DDAH1: variants seen among roughly 807,000 people sequenced by gnomAD.
DDAH1 encodes the protein dimethylarginine dimethylaminohydrolase 1, also known as N(G),N(G)-dimethylarginine dimethylaminohydrolase 1.
In DDAH1, 19 loss-of-function variants were observed where a neutral mutation model predicts 28.8. The observed-to-expected ratio is 0.66, with a 90% CI of 0.46 to 0.97. The LOEUF is 0.97. DDAH1 is among the 50% of genes least tolerant of loss of function. DDAH1 has a pLI of 0.00. For synonymous variants in DDAH1, 153 were observed against 154.4 expected (o/e 0.99, Z 0.07); for missense variants, 326 against 375.9 (o/e 0.87, Z 1.10).
intron 1 of DDAH1, among the ~76,000 whole-genome samples, chr1:85,431,602 C>T (rs1435313012): frequency 1.3e-5 from 2 of 151,916 alleles, no homozygotes; most frequent in African/African-American, 4.8e-5. Context: ...TCCTTCCCTC[C>T]CTTCTTTCCT....
chr1:85,457,923 T>G (rs1477870479), intron 1 of DDAH1, among the ~76,000 whole-genome samples: 1 of 152,172 alleles, frequency 6.6e-6, no homozygotes, highest in African/African-American at 2.4e-5. Context: ...ACTCCTGACC[T>G]CATGATCCGC....
intron 1 of DDAH1, among the ~76,000 whole-genome samples, chr1:85,569,120 C>G (rs946332756): frequency 6.6e-6 from 1 of 152,170 alleles, no homozygotes; most frequent in Non-Finnish European, 1.5e-5. Context: ...GAAGACTGAA[C>G]AGTAAACAAA....
intron 1 of DDAH1, among the ~76,000 whole-genome samples, chr1:85,523,710 C>T (rs1657767345): frequency 6.6e-6 from 1 of 152,082 alleles, no homozygotes; most frequent in African/African-American, 2.4e-5. Context: ...AGCAAATGCC[C>T]AAAAAGTATC....
chr1:85,466,272 CGG>C (rs1319224139), upstream of DDAH1, among the ~76,000 whole-genome samples: 1 of 152,166 alleles, frequency 6.6e-6, no homozygotes, highest in Non-Finnish European at 1.5e-5. Flanking sequence ...TTTGTTTTGA[CGG>C]AGTTTCACTC....
intron 5 of DDAH1, among the ~76,000 whole-genome samples, chr1:85,322,986 G>A (rs893970710): frequency 3.3e-5 from 5 of 152,140 alleles, no homozygotes; most frequent in African/African-American, 1.2e-4. Flanking sequence ...CAACCCTGAT[G>A]TGCATTAAAG....
At position 85,464,446 on chromosome 1, in the gene DDAH1, A is replaced by C. The variant is rs1037265251; in HGVS notation, c.303+297T>G. 1.2e-5 allele frequency: 17 copies of C among 1,465,274 alleles called. No individual in the cohort carries two copies. The African/African-American group carries it at 2.1e-4, about 18-fold the overall frequency. 90.8% of individuals were successfully genotyped at this position (1,465,274 alleles called of 1,614,324 possible). ...AGTTGCACTGTCGTCGCTGCCGTTT[A>C]ATTTTCACAAATAAAAATGCCCGTG... On this transcript the variant is annotated intron_variant, in intron 1 of 5. Coordinates refer to ENST00000284031, the MANE Select transcript of DDAH1 (RefSeq NM_012137.4). This position sits in a 1 kb window ranked among gnomAD's most constrained non-coding sequence, Gnocchi z 4.4.
chr1:85,530,029 C>T (rs1658033396), intron 1 of DDAH1, among the ~76,000 whole-genome samples: 3 of 140,284 alleles, frequency 2.1e-5, no homozygotes, highest in African/African-American at 7.7e-5. Flanking sequence ...CTGACCCACG[C>T]ATTTGGAAAA....
At chr1:85,451,429 G>C (rs1302464230) in intron 1 of DDAH1, among the ~76,000 whole-genome samples, 5 of 152,118 alleles carry the variant, frequency 3.3e-5, no homozygotes, top group African/African-American at 9.7e-5. Flanking sequence ...CTGTATTATT[G>C]CATTTATTCA....
intron 1 of DDAH1, among the ~76,000 whole-genome samples, chr1:85,460,234 G>C (rs989815250): frequency 6.6e-6 from 1 of 152,148 alleles, no homozygotes; most frequent in African/African-American, 2.4e-5. Flanking sequence ...TTCCTAACCA[G>C]AGAATAAACC....
rs559928084 is a variant in DDAH1 at position 85,480,672 on chromosome 1, G to C, written c.-7+15494C>G. On this transcript the variant is annotated intron_variant, in intron 2 of 6. Coordinates refer to the DDAH1 transcript ENST00000426972. ...AGGGATGAGAATCACTTGAATTGGG[G>C]AGATGGAAGTTGAACGACCCAAGAC... is the stretch of plus-strand genomic sequence containing the variant. 7.8e-4 allele frequency among the ~76,000 whole-genome samples: 119 copies of C among 152,240 alleles called. 4 individuals are homozygous for C. The South Asian group carries it at 0.022, about 28-fold the overall frequency.
At chr1:85,546,458 T>C (rs999990761) in intron 1 of DDAH1, among the ~76,000 whole-genome samples, 2 of 152,116 alleles carry the variant, frequency 1.3e-5, no homozygotes, top group Non-Finnish European at 1.5e-5. Flanking sequence ...CAGCTTGTGG[T>C]GGTGTTACAG....
At position 85,574,957 on chromosome 1, in the gene DDAH1, G is replaced by A. The variant is rs552259669; in HGVS notation, c.-123+3027C>T. 9.9e-5 allele frequency among the ~76,000 whole-genome samples: 15 copies of A among 152,106 alleles called. No homozygotes were observed. In the South Asian group the frequency reaches 3.1e-3, roughly 32 times the overall value. On this transcript the variant is annotated intron_variant, in intron 1 of 6. Coordinates refer to the DDAH1 transcript ENST00000426972. Reference sequence around the variant, plus strand: ...AGAAAACGGGTTAAAAACAGACGGGGAGCCTGGTGCAGTGGCTCACACCTG... The same window carrying A: ...AGAAAACGGGTTAAAAACAGACGGGAAGCCTGGTGCAGTGGCTCACACCTG...
At chr1:85,359,544 A>G (rs1346903341) in intron 1 of DDAH1, among the ~76,000 whole-genome samples, 2 of 152,238 alleles carry the variant, frequency 1.3e-5, no homozygotes, top group African/African-American at 4.8e-5. Flanking sequence ...AGTATAATAC[A>G]TGGAAGGAAT....
At chr1:85,414,882 A>C (rs1459100024) in intron 1 of DDAH1, among the ~76,000 whole-genome samples, 1 of 152,198 alleles carries the variant, frequency 6.6e-6, no homozygotes, top group Non-Finnish European at 1.5e-5. Flanking sequence ...GCTCATTGGT[A>C]ATCAGGGAAA....
chr1:85,354,223 C>T (rs533102740), intron 2 of DDAH1, among the ~76,000 whole-genome samples: 1 of 152,206 alleles, frequency 6.6e-6, no homozygotes, highest in African/African-American at 2.4e-5. Flanking sequence ...ACTGACTGTC[C>T]TACATTCTTG....
chr1:85,429,454 T>C (rs1276358695), intron 1 of DDAH1, among the ~76,000 whole-genome samples: 1 of 152,236 alleles, frequency 6.6e-6, no homozygotes, highest in Non-Finnish European at 1.5e-5. Context: ...TTTGCTATTG[T>C]GAATAGCGCT....
chr1:85,377,630 G>A (rs759808932), intron 1 of DDAH1, among the ~76,000 whole-genome samples: 23 of 152,134 alleles, frequency 1.5e-4, no homozygotes, highest in Non-Finnish European at 2.9e-4. Flanking sequence ...AAAAATCAAA[G>A]TGATTTACAA....
intron 1 of DDAH1, among the ~76,000 whole-genome samples, chr1:85,444,777 A>G (rs1244682852): frequency 6.6e-6 from 1 of 152,232 alleles, no homozygotes; most frequent in Non-Finnish European, 1.5e-5. Context: ...AACCATGCAA[A>G]TAAGTAAGGA....
At chr1:85,479,088 C>T (rs1431680973) in intron 2 of DDAH1, among the ~76,000 whole-genome samples, 2 of 151,478 alleles carry the variant, frequency 1.3e-5, no homozygotes, top group Non-Finnish European at 2.9e-5. Flanking sequence ...TTTGCTATAG[C>T]CCAAGAGGTA....
Sources: allele counts gnomAD v4.1 joint callset (sites outside exome capture counted in the v4.1 genomes callset), GRCh38; gene constraint gnomAD v4.1.1; non-coding constraint Gnocchi (gnomAD v3.1); transcripts MANE v1.5; gene names NCBI Gene and HGNC (gene_info 2026-07-23, HGNC 2026-07-21).